The following NBPF9 variants were observed in gnomAD, a reference collection of about 807,000 sequenced individuals.
The protein encoded by NBPF9 is NBPF family member NBPF9.
Under a neutral mutation model 97.8 loss-of-function variants are expected in NBPF9, and 91 were observed. The ratio of observed to expected loss-of-function variants is 0.93; its 90% confidence interval spans 0.79 to 1.11. The LOEUF (loss-of-function observed/expected upper bound fraction) is 1.11, where lower values mean the gene tolerates loss of function less well. NBPF9 is among the 50% of genes least tolerant of loss of function. The pLI, the probability that NBPF9 is intolerant of heterozygous loss-of-function variation, is 0.00. For synonymous variants in NBPF9, 334 were observed against 359.5 expected, an observed-to-expected ratio of 0.93 and a Z score of 0.80; for missense variants, 992 against 939.5, an observed-to-expected ratio of 1.06 and a Z score of -0.73.
At chr1:149,062,800 C>G (rs2078717339) in intron 21 of NBPF9, 62 bp downstream of exon 21, 2 of 758,966 alleles carry the variant, frequency 2.6e-6, no homozygotes, top group East Asian at 2.5e-5. Context: ...TCTTGTTTTC[C>G]CTGGACCTGG....
chr1:149,080,620 T>C (rs3961879), intron 7 of NBPF9, among the ~76,000 whole-genome samples: 4 of 151,292 alleles, frequency 2.6e-5, no homozygotes, highest in Non-Finnish European at 4.4e-5. Flanking sequence ...AAATATTTCA[T>C]TTTTAGATCA....
chr1:149,100,697 G>T (rs2082090422), intron 3 of NBPF9, among the ~76,000 whole-genome samples: 1 of 152,246 alleles, frequency 6.6e-6, no homozygotes, highest in Non-Finnish European at 1.5e-5. Flanking sequence ...ACTCTGGGAG[G>T]CTTAAGTGGG....
chr1:149,084,254 A>ATATATATACACGTGTATATATAT (rs1258682414), intron 5 of NBPF9, among the ~76,000 whole-genome samples: 50 of 146,300 alleles, frequency 3.4e-4, no homozygotes, highest in Non-Finnish European at 5.5e-4. Flanking sequence ...TATATATATA[A>ATATATATACACGTGTATATATAT]TATATATACA....
At chr1:149,090,225 C>T (rs2081328356) in intron 5 of NBPF9, 2 of 153,466 alleles carry the variant, frequency 1.3e-5, no homozygotes, top group South Asian at 4.1e-4. Flanking sequence ...TCCTTTGGCT[C>T]TGATATTCTG....
At chr1:149,071,558 C>G in intron 15 of NBPF9, 46 bp downstream of exon 15, 1 of 923,298 alleles carries the variant, frequency 1.1e-6, no homozygotes. Context: ...CTAGATATTC[C>G]TCATATGTTA....
At chr1:149,086,835 C>T (rs1268778606) in intron 5 of NBPF9, among the ~76,000 whole-genome samples, 32 of 152,160 alleles carry the variant, frequency 2.1e-4, no homozygotes, top group Admixed American at 1.8e-3. Context: ...AATAGCAGCC[C>T]GCCCCTCAGG....
At chr1:149,086,948 G>C (rs1442011133) in intron 5 of NBPF9, among the ~76,000 whole-genome samples, 1 of 152,046 alleles carries the variant, frequency 6.6e-6, no homozygotes, top group Non-Finnish European at 1.5e-5. Flanking sequence ...TAACCTTTAA[G>C]AAACTGTTAG....
At chr1:149,055,801 T>A (rs1438938051) in exon 30 of NBPF9, 3 of 1,610,716 alleles carry the variant, frequency 1.9e-6, no homozygotes, top group Non-Finnish European at 2.5e-6. Context: ...CTGGAATGAG[T>A]CAGGTAGTTC....
intron 19 of NBPF9, among the ~76,000 whole-genome samples, chr1:149,064,110 C>G (rs1284923154): frequency 2.9e-5 from 4 of 138,802 alleles, no homozygotes; most frequent in African/African-American, 8.5e-5. Context: ...TTTGTGCTCT[C>G]AGGACACACA....
At chr1:149,053,801 C>T (rs2861514), downstream of NBPF9, among the ~76,000 whole-genome samples, 70 of 144,374 alleles carry the variant, frequency 4.8e-4, no homozygotes, top group South Asian at 1.3e-3. Flanking sequence ...TGTGTCTAGT[C>T]CAAAGGGAGG....
rs78376309 is a variant in NBPF9 at position 149,055,956 on chromosome 1, C to A, written c.3093-57G>T. The A allele has an allele frequency of 5.0e-6, 8 of 1,611,620 alleles. No individual in the cohort carries two copies. In the South Asian group the frequency reaches 5.5e-5, roughly 11 times the overall value. ...CAGGGAAAATCAGACACCACAGAGC[C>A]CCACTAGATTTCAGAAGTAACATAA... is the stretch of plus-strand genomic sequence containing the variant. On this transcript the variant is annotated intron_variant, in intron 29 of 29. Coordinates refer to ENST00000584027, the Ensembl canonical transcript of NBPF9.
At chr1:149,100,189 GATAA>G (rs1274730793) in intron 3 of NBPF9, among the ~76,000 whole-genome samples, 15 of 139,870 alleles carry the variant, frequency 1.1e-4, no homozygotes, top group Non-Finnish European at 9.1e-5. Context: ...ATTGTAAAAA[GATAA>G]ATAAATAAAG....
At chr1:149,064,017 G>GACACACACAC (rs72022450) in intron 19 of NBPF9, among the ~76,000 whole-genome samples, 1 of 101,748 alleles carries the variant, frequency 9.8e-6, no homozygotes, top group African/African-American at 3.8e-5. Flanking sequence ...CACAGACACA[G>GACACACACAC]ACACACACAC....
At chr1:149,062,336 A>G (rs1202716196) in intron 21 of NBPF9, 71 bp from the exon 22 acceptor site, 1 of 613,304 alleles carries the variant, frequency 1.6e-6, no homozygotes, top group African/African-American at 2.0e-5. Flanking sequence ...GCTAGATTTC[A>G]TGGCTAACAT....
intron 17 of NBPF9, among the ~76,000 whole-genome samples, chr1:149,067,274 G>T: frequency 1.7e-5 from 2 of 118,884 alleles, no homozygotes. Context: ...CATATGTATA[G>T]TTTTCCTTTA....
At chr1:149,058,174 G>C (rs1553649391) in exon 27 of NBPF9, 2 of 556,528 alleles carry the variant, frequency 3.6e-6, no homozygotes, top group East Asian at 5.9e-5. Flanking sequence ...CTGGGGCATG[G>C]TGGGCCTTGG....
chr1:149,060,034 C>G lies in NBPF9; in HGVS notation c.2477-226G>C, dbSNP rs1305179406. ...TCCCTATTCTAGTAGATCGTTATCCCAATATCATTGGTCCCAAATTTGTGC... is the reference window on the plus strand; with the variant it reads ...TCCCTATTCTAGTAGATCGTTATCCGAATATCATTGGTCCCAAATTTGTGC... On this transcript the variant is annotated intron_variant, in intron 24 of 29. Transcript: ENST00000584027. 1.1e-5 allele frequency: 4 copies of G among 355,054 alleles called. No homozygotes were observed. In the East Asian group the frequency reaches 1.4e-4, roughly 12 times the overall value. The allele number at this position is 355,054 out of a possible 1,614,324, so 22.0% of individuals were successfully genotyped here.
At chr1:149,071,502 A>C (rs1482054918) in intron 15 of NBPF9, 102 bp downstream of exon 15, 14 of 1,172,886 alleles carry the variant, frequency 1.2e-5, no homozygotes, top group Non-Finnish European at 1.8e-5. Context: ...TGGCCAAGCG[A>C]ATGCGGGTTT....
At chr1:149,064,738 C>T (rs1191648362) in intron 18 of NBPF9, 2 of 618,764 alleles carry the variant, frequency 3.2e-6, no homozygotes, top group East Asian at 2.8e-5. Flanking sequence ...TTTATGTACA[C>T]AAATGCGCGA....
Sources: gnomAD v4.1 joint callset for allele counts (sites outside exome capture counted in the v4.1 genomes callset) on GRCh38, gnomAD v4.1.1 for gene constraint, MANE v1.5 for transcripts, NCBI Gene and HGNC (gene_info 2026-07-23, HGNC 2026-07-21) for gene names.